Variants in SPTLC3 observed in about 807,000 individuals in gnomAD.
SPTLC3 encodes the protein serine palmitoyltransferase long chain base subunit 3.
In SPTLC3, 36 loss-of-function variants were observed where a neutral mutation model predicts 59.3. The observed-to-expected ratio is 0.61, with a 90% confidence interval of 0.47 to 0.80. SPTLC3 has a LOEUF of 0.80. Ranked by LOEUF, SPTLC3 falls within the 30% of genes least tolerant of loss-of-function variation. The probability of loss-of-function intolerance (pLI) is 0.00; values close to 1 mark genes in which losing one functional copy is unlikely to be tolerated. For missense variants in SPTLC3, 625 were observed against 685.1 expected (o/e 0.91, Z 0.98); for synonymous variants, 257 against 240.8 (o/e 1.07, Z -0.62).
chr20:13,126,873 A>G (rs1035352236), intron 9 of SPTLC3, among the ~76,000 whole-genome samples, 156 bp downstream of exon 9: 1 of 152,244 alleles, frequency 6.6e-6, no homozygotes, highest in African/African-American at 2.4e-5. Context: ...TTAGCACACC[A>G]TACAAAAACC....
chr20:13,137,566 A>C (rs1045051478), intron 9 of SPTLC3, among the ~76,000 whole-genome samples: 2 of 152,130 alleles, frequency 1.3e-5, no homozygotes, highest in African/African-American at 2.4e-5. Flanking sequence ...CTGTTCCTTC[A>C]TTGTGAAGTC....
chr20:13,043,006 C>T (rs1164297705), intron 1 of SPTLC3, among the ~76,000 whole-genome samples: 1 of 152,146 alleles, frequency 6.6e-6, no homozygotes, highest in African/African-American at 2.4e-5. Flanking sequence ...TGTTTGAACA[C>T]CATATAATGT....
intron 8 of SPTLC3, among the ~76,000 whole-genome samples, chr20:13,124,502 C>CA (rs1273346361): frequency 6.7e-6 from 1 of 149,580 alleles, no homozygotes; most frequent in Non-Finnish European, 1.5e-5. Context: ...AAGGAAGAAA[C>CA]AAAAAAACAA....
rs375337032 is a variant in SPTLC3 at position 13,164,903 on chromosome 20, G to A, written c.*36G>A. ...CCTGAATGACACATAAAGACTTTGCGAGAAAGACCTCCCTCCTTGCCTCAC... is the reference window on the plus strand; with the variant it reads ...CCTGAATGACACATAAAGACTTTGCAAGAAAGACCTCCCTCCTTGCCTCAC... On this transcript the variant is annotated 3_prime_UTR_variant, in exon 12 of 12. Transcript: ENST00000399002. The A allele has an allele frequency of 1.9e-5, 29 of 1,530,442 alleles. No homozygotes were observed. Among genetic ancestry groups the A allele is most frequent in the Middle Eastern group, 1.7e-4 (1 of 5,896 alleles). 94.8% of individuals were successfully genotyped at this position (1,530,442 alleles called of 1,614,324 possible).
At chr20:13,011,893 A>C (rs544001041) in intron 1 of SPTLC3, among the ~76,000 whole-genome samples, 2 of 152,236 alleles carry the variant, frequency 1.3e-5, no homozygotes, top group South Asian at 4.1e-4. Context: ...CTCCCTCTTC[A>C]TGAGCATATC....
At chr20:13,095,342 G>A (rs1989373874) in intron 6 of SPTLC3, among the ~76,000 whole-genome samples, 1 of 152,138 alleles carries the variant, frequency 6.6e-6, no homozygotes, top group African/African-American at 2.4e-5. Context: ...CATCATCAAT[G>A]TAAACCCCTT....
At chr20:13,100,537 C>T (rs1989565141) in intron 6 of SPTLC3, among the ~76,000 whole-genome samples, 1 of 152,088 alleles carries the variant, frequency 6.6e-6, no homozygotes, top group Non-Finnish European at 1.5e-5. Flanking sequence ...CAAGACCAGC[C>T]TGGGCAACAT....
intron 9 of SPTLC3, among the ~76,000 whole-genome samples, chr20:13,148,846 G>A (rs1003566780): frequency 1.3e-5 from 2 of 152,218 alleles, no homozygotes; most frequent in African/African-American, 4.8e-5. Flanking sequence ...CACTGAGGCT[G>A]CAGAGAACTA....
In SPTLC3 at chr20:13,093,682, C is replaced by T. The variant is rs1989311637; in HGVS notation, c.826+105C>T. ...GCTCTTCAAGGTGACAACGTAGCCT[C>T]ATGAAACACAATTATGTTTATATTC... is the stretch of plus-strand genomic sequence containing the variant. On this transcript the variant is annotated intron_variant, in intron 6 of 11. Transcript: ENST00000399002. 1.1e-5 allele frequency: 11 copies of T among 963,628 alleles called. No homozygotes were observed. The South Asian group carries it at 1.8e-4, about 16-fold the overall frequency. The allele number at this position is 963,628 out of a possible 1,614,324, so 59.7% of individuals were successfully genotyped here.
chr20:13,132,386 G>A (rs1368794738), intron 9 of SPTLC3, among the ~76,000 whole-genome samples: 3 of 151,644 alleles, frequency 2.0e-5, no homozygotes, highest in South Asian at 4.2e-4. Context: ...CATGTTGGCC[G>A]GGCTGATCTT....
chr20:13,046,691 T>C (rs925721414), intron 1 of SPTLC3, among the ~76,000 whole-genome samples: 6 of 152,014 alleles, frequency 3.9e-5, no homozygotes, highest in Admixed American at 1.3e-4. Context: ...GAGCCAAAGG[T>C]TTGTACTAAA....
intron 9 of SPTLC3, among the ~76,000 whole-genome samples, chr20:13,153,140 T>C (rs1600395283): frequency 6.6e-6 from 1 of 152,238 alleles, no homozygotes; most frequent in Non-Finnish European, 1.5e-5. Flanking sequence ...TTCATTCTTA[T>C]TGAGCAAACA....
intron 8 of SPTLC3, among the ~76,000 whole-genome samples, chr20:13,119,905 G>A (rs1188560527): frequency 1.3e-5 from 2 of 152,210 alleles, no homozygotes; most frequent in Non-Finnish European, 2.9e-5. Context: ...AATGATTTTG[G>A]TCAGACTGTG....
At chr20:13,055,755 G>T (rs1419179691) in intron 2 of SPTLC3, among the ~76,000 whole-genome samples, 5 of 152,140 alleles carry the variant, frequency 3.3e-5, no homozygotes, top group Admixed American at 1.3e-4. Context: ...GGTTATTGGG[G>T]TGTGCTCCTG....
intron 1 of SPTLC3, among the ~76,000 whole-genome samples, chr20:13,024,378 A>G (rs1201956882): frequency 1.3e-5 from 2 of 148,598 alleles, no homozygotes; most frequent in Admixed American, 6.8e-5. Flanking sequence ...GCATTTTGCT[A>G]TACGTTTACT....
rs2038995067 is a variant in SPTLC3 at position 13,167,218 on chromosome 20, G to A, written c.*2351G>A. Reference sequence around the variant, plus strand: ...AGATTTTTAATTTTTTTAAGAAAAAGCTCTCAAATGCTAGGCTAATAAGTT... The same window carrying A: ...AGATTTTTAATTTTTTTAAGAAAAAACTCTCAAATGCTAGGCTAATAAGTT... On this transcript the variant is annotated 3_prime_UTR_variant, in exon 12 of 12. Coordinates refer to ENST00000399002, the MANE Select transcript of SPTLC3 (RefSeq NM_018327.4). 6.6e-6 allele frequency: 1 copy of A among 152,106 alleles called. No homozygotes were observed. Among genetic ancestry groups the A allele is most frequent in the African/African-American group, 2.4e-5 (1 of 41,414 alleles). The allele number at this position is 152,106 out of a possible 1,614,324, so 9.4% of individuals were successfully genotyped here.
chr20:13,068,102 TAA>T (rs1988296449), intron 2 of SPTLC3, among the ~76,000 whole-genome samples: 2 of 152,342 alleles, frequency 1.3e-5, no homozygotes, highest in South Asian at 4.1e-4. Context: ...AACTTATCTA[TAA>T]AAGTTTGATA....
chr20:13,030,233 T>C (rs1175501707), intron 1 of SPTLC3, among the ~76,000 whole-genome samples: 1 of 152,212 alleles, frequency 6.6e-6, no homozygotes, highest in Non-Finnish European at 1.5e-5. Flanking sequence ...AAAACACACC[T>C]CTGTTGTTGG....
intron 9 of SPTLC3, among the ~76,000 whole-genome samples, chr20:13,139,873 G>A (rs1449415535): frequency 2.0e-5 from 3 of 152,152 alleles, no homozygotes; most frequent in Non-Finnish European, 4.4e-5. Flanking sequence ...AAGTCTAAAG[G>A]ACTGAATATG....
Sources: gnomAD v4.1 joint callset for allele counts (sites outside exome capture counted in the v4.1 genomes callset) on GRCh38, gnomAD v4.1.1 for gene constraint, MANE v1.5 for transcripts, NCBI Gene and HGNC (gene_info 2026-07-23, HGNC 2026-07-21) for gene names.